Variants in ARID5B observed in about 807,000 individuals in gnomAD.
ARID5B encodes AT-rich interactive domain-containing protein 5B.
ARID5B carries 13 observed loss-of-function variants against 97.2 expected under a neutral mutation model. That is an observed-to-expected ratio of 0.13 (90% CI 0.09 to 0.21). The LOEUF is 0.21. Ranked by LOEUF, ARID5B falls within the 10% of genes least tolerant of loss-of-function variation. The pLI, the probability that ARID5B is intolerant of heterozygous loss-of-function variation, is 1.00. For synonymous variants in ARID5B, 556 were observed against 570.3 expected (o/e 0.97, Z 0.36); for missense variants, 1,210 against 1,465.3 (o/e 0.83, Z 2.84).
At chr10:62,047,422 G>T (rs985407691) in intron 4 of ARID5B, among the ~76,000 whole-genome samples, 1 of 152,302 alleles carries the variant, frequency 6.6e-6, no homozygotes, top group East Asian at 1.9e-4. Context: ...AAAAGTAACA[G>T]TACGTCTATT....
chr10:62,026,324 G>A (rs951546362), intron 4 of ARID5B, among the ~76,000 whole-genome samples: 12 of 152,208 alleles, frequency 7.9e-5, no homozygotes, highest in Admixed American at 6.5e-5. Context: ...TGGGCAATGA[G>A]TGTGCTCATT....
intron 9 of ARID5B, 40 bp downstream of exon 9, chr10:62,085,940 T>TGTGC: frequency 6.3e-7 from 1 of 1,586,078 alleles, no homozygotes. Flanking sequence ...CTGGAAGACA[T>TGTGC]GTGCTGCCTC....
chr10:62,031,209 G>T (rs1839493659), intron 4 of ARID5B, among the ~76,000 whole-genome samples: 2 of 152,212 alleles, frequency 1.3e-5, no homozygotes, highest in Non-Finnish European at 2.9e-5. Flanking sequence ...ACTCCAGCCT[G>T]CATGACAGAG....
chr10:62,037,331 A>G (rs1461953319), intron 4 of ARID5B, among the ~76,000 whole-genome samples: 2 of 152,190 alleles, frequency 1.3e-5, no homozygotes, highest in Admixed American at 6.5e-5. Flanking sequence ...CCAGAGAGTT[A>G]GGGCCCTCAC....
At chr10:62,049,787 C>T (rs1375068199) in intron 4 of ARID5B, among the ~76,000 whole-genome samples, 4 of 152,122 alleles carry the variant, frequency 2.6e-5, no homozygotes, top group African/African-American at 7.2e-5. Flanking sequence ...TGTCCTAAAA[C>T]CACTGGTTAA....
rs1286274022 is a variant in ARID5B, at chr10:62,000,306, A to G, written c.718A>G (p.Ile240Val). 1.2e-6 allele frequency: 2 copies of G among 1,608,408 alleles called. No homozygotes were observed. Among genetic ancestry groups the G allele is most frequent in the South Asian group, 2.2e-5 (2 of 90,482 alleles). ...CCCGACTCTCATAGAAAACGAGAGT[A>G]TATGCGATGAGTTTGGTGAGTCTTT... is the stretch of plus-strand genomic sequence containing the variant. The part of the protein sequence containing the change: ...DHPTLIENES[I>V]CDEFAPNLKG... Residue 240 changes from isoleucine to valine, a missense_variant, in exon 4 of 10, where the codon ATA becomes GTA. This residue lies in a region of ARID5B where 132 missense variants were observed against 156.7 expected (regional missense o/e 0.84). Coordinates refer to ENST00000279873, the MANE Select transcript of ARID5B (RefSeq NM_032199.3). This position sits in a 1 kb window ranked among gnomAD's most constrained non-coding sequence, Gnocchi z 4.4.
intron 4 of ARID5B, among the ~76,000 whole-genome samples, chr10:62,018,270 G>A (rs1310735997): frequency 1.3e-5 from 2 of 152,156 alleles, no homozygotes; most frequent in Non-Finnish European, 1.5e-5. Context: ...CAGAGAAAAG[G>A]AGAGGAAGAA....
At chr10:62,061,646 TC>T (rs1382486690) in intron 7 of ARID5B, among the ~76,000 whole-genome samples, 1 of 152,186 alleles carries the variant, frequency 6.6e-6, no homozygotes, top group African/African-American at 2.4e-5. Context: ...AGTTGCCAGT[TC>T]CCCATCTCTG....
chr10:62,046,962 G>A (rs1433250625), intron 4 of ARID5B: 1 of 152,140 alleles, frequency 6.6e-6, no homozygotes, highest in Non-Finnish European at 1.5e-5. Flanking sequence ...GCCAGCCCAA[G>A]TTAGTATGAA....
intron 3 of ARID5B, among the ~76,000 whole-genome samples, chr10:61,967,404 G>A (rs755456858): frequency 5.9e-5 from 9 of 152,198 alleles, no homozygotes; most frequent in African/African-American, 9.7e-5. Flanking sequence ...TCCATTGGCC[G>A]TTAGTGAATC....
intron 4 of ARID5B, among the ~76,000 whole-genome samples, chr10:62,036,234 G>A (rs904069232): frequency 5.9e-5 from 9 of 152,206 alleles, no homozygotes; most frequent in African/African-American, 4.8e-5. Flanking sequence ...ATAAAGCTGT[G>A]TAATGTGCTT....
intron 9 of ARID5B, among the ~76,000 whole-genome samples, chr10:62,086,913 T>C (rs891536663): frequency 2.0e-5 from 3 of 151,824 alleles, no homozygotes; most frequent in African/African-American, 7.3e-5. Context: ...TGTGGTGCTG[T>C]ATCCTGCAAG....
At position 62,085,830 on chromosome 10, in the gene ARID5B, G is replaced by T. The variant is rs759435915; in HGVS notation, c.1328G>T (p.Arg443Leu). Residue 443 changes from arginine to leucine, a missense_variant, in exon 9 of 10, where the codon CGC (arginine) becomes CTC (leucine). Transcript: ENST00000279873. The part of the protein sequence containing the change: ...ENKTKVSGTK[R>L]IKHEIPKSKK... ...AAAACAAAAGTATCTGGAACCAAAC[G>T]CATCAAACATGAAATACCTAAAAGC... The T allele has an allele frequency of 3.7e-6, 6 of 1,613,982 alleles. No homozygotes were observed. The highest frequency in any genetic ancestry group is 3.3e-5 in the South Asian group (3 of 91,066).
chr10:62,087,257 C>T (rs1385936630), intron 9 of ARID5B, among the ~76,000 whole-genome samples: 1 of 118,058 alleles, frequency 8.5e-6, no homozygotes, highest in Non-Finnish European at 1.6e-5. Context: ...CGAGATCAGG[C>T]CACTGCACTC....
rs568311047 is a variant in ARID5B at position 61,957,894 on chromosome 10, A to G, written c.502+17486A>G. Reference sequence around the variant, plus strand: ...TCTGTTATTTTGAAGTAGAATCACCATTTCATGCTTCATAAGGCCAGGGCA... The same window carrying G: ...TCTGTTATTTTGAAGTAGAATCACCGTTTCATGCTTCATAAGGCCAGGGCA... On this transcript the variant is annotated intron_variant, in intron 3 of 9. Transcript: ENST00000279873. Among the ~76,000 whole-genome samples, 516 of 152,314 alleles carry G rather than the reference A, an allele frequency of 3.4e-3. 1 individual carries two copies. The highest frequency in any genetic ancestry group is 0.01 in the South Asian group (50 of 4,828).
chr10:61,914,343 A>C (rs1239789031), intron 2 of ARID5B, among the ~76,000 whole-genome samples: 5 of 152,200 alleles, frequency 3.3e-5, no homozygotes, highest in Admixed American at 3.3e-4. Context: ...CTGTGCTGTT[A>C]AAGGAGCAGT....
intron 2 of ARID5B, among the ~76,000 whole-genome samples, chr10:61,932,330 A>G (rs1459763353): frequency 6.6e-6 from 1 of 151,970 alleles, no homozygotes; most frequent in East Asian, 1.9e-4. Flanking sequence ...CTTGATGTTG[A>G]TGGCAGCTGA....
At chr10:61,952,246 A>G (rs1021768073) in intron 3 of ARID5B, among the ~76,000 whole-genome samples, 4 of 152,134 alleles carry the variant, frequency 2.6e-5, no homozygotes, top group Non-Finnish European at 4.4e-5. Flanking sequence ...TACTCGTGGA[A>G]TAGCCTTTCT....
At chr10:62,053,128 C>T (rs930858624) in intron 5 of ARID5B, among the ~76,000 whole-genome samples, 1 of 152,208 alleles carries the variant, frequency 6.6e-6, no homozygotes, top group Non-Finnish European at 1.5e-5. Flanking sequence ...TCTCATGAAA[C>T]ACTGCAGTAG....
Sources: gnomAD v4.1 joint callset for allele counts (sites outside exome capture counted in the v4.1 genomes callset) on GRCh38, gnomAD v4.1.1 for gene constraint, gnomAD v4.1.1 regional missense constraint, Gnocchi (gnomAD v3.1) non-coding constraint, MANE v1.5 for transcripts, NCBI Gene and HGNC (gene_info 2026-07-23, HGNC 2026-07-21) for gene names.